PCBP3: variants seen among roughly 807,000 people sequenced by gnomAD.
PCBP3 encodes poly(rC) binding protein 3.
In PCBP3, 25 loss-of-function variants were observed where a neutral mutation model predicts 52.7. The ratio of observed to expected loss-of-function variants is 0.47; its 90% CI spans 0.35 to 0.66. The LOEUF (loss-of-function observed/expected upper bound fraction) is 0.66. Among genes scored for constraint, PCBP3 ranks in the 30% least tolerant of loss-of-function variants. The pLI, the probability that PCBP3 is intolerant of heterozygous loss-of-function variation, is 0.01. For synonymous variants in PCBP3, 162 were observed against 183.0 expected (o/e 0.89, Z 0.93); for missense variants, 391 against 490.3 (o/e 0.80, Z 1.91).
intron 5 of PCBP3, among the ~76,000 whole-genome samples, chr21:45,879,379 G>T (rs1053744917): frequency 6.6e-6 from 1 of 152,020 alleles, no homozygotes; most frequent in African/African-American, 2.4e-5. Flanking sequence ...AATAACAATG[G>T]AAGTGACAGG....
At chr21:45,706,571 G>A (rs1404195132) in intron 2 of PCBP3, among the ~76,000 whole-genome samples, 2 of 151,830 alleles carry the variant, frequency 1.3e-5, no homozygotes, top group East Asian at 3.9e-4. Flanking sequence ...AGTCCCCACT[G>A]CTGCCCATGT....
chr21:45,657,044 C>G (rs986470066), intron 1 of PCBP3, among the ~76,000 whole-genome samples: 6 of 152,086 alleles, frequency 3.9e-5, no homozygotes, highest in Non-Finnish European at 5.9e-5. Context: ...GATGGTCTCG[C>G]TCTCCTGACC....
chr21:45,758,514 T>G (rs1179549589), intron 4 of PCBP3, among the ~76,000 whole-genome samples: 1 of 152,236 alleles, frequency 6.6e-6, no homozygotes, highest in Non-Finnish European at 1.5e-5. Context: ...ACAGTGCAAG[T>G]CTTGCATTTT....
chr21:45,860,807 C>T (rs150759820), intron 5 of PCBP3, among the ~76,000 whole-genome samples: 3 of 152,274 alleles, frequency 2.0e-5, no homozygotes, highest in African/African-American at 4.8e-5. Context: ...CTCCCCTGAG[C>T]GTGGCCCTGG....
chr21:45,812,602 G>A lies in PCBP3; in HGVS notation c.-125-37359G>A, dbSNP rs150105865. Among the ~76,000 whole-genome samples, 183 of 152,302 alleles carry A rather than the reference G, an allele frequency of 1.2e-3. 1 individual carries two copies. Among genetic ancestry groups the A allele is most frequent in the African/African-American group, 3.9e-3 (163 of 41,554 alleles). On this transcript the variant is annotated intron_variant, in intron 4 of 17. Transcript: ENST00000681687. The stretch of plus-strand genomic sequence containing the variant: ...TTTTTAGTACAAACCGGGTTTCACC[G>A]TGTTGGCCAGAACTGCTGGCCTCAG...
At chr21:45,841,913 A>G (rs2093707126) in intron 4 of PCBP3, among the ~76,000 whole-genome samples, 1 of 152,254 alleles carries the variant, frequency 6.6e-6, no homozygotes, top group Non-Finnish European at 1.5e-5. Context: ...TCTGTTGTCT[A>G]GAGACGCACA....
At chr21:45,891,322 G>C (rs190848335) in intron 5 of PCBP3, among the ~76,000 whole-genome samples, 13 of 152,210 alleles carry the variant, frequency 8.5e-5, no homozygotes, top group East Asian at 1.9e-4. Flanking sequence ...AGCTTTACTC[G>C]TGTATCCCGC....
intron 13 of PCBP3, among the ~76,000 whole-genome samples, chr21:45,927,294 TCCTCC>T (rs2075562523): frequency 2.6e-5 from 2 of 77,048 alleles, no homozygotes; most frequent in South Asian, 4.8e-4. Flanking sequence ...CCTCTCCCCC[TCCTCC>T]CTCCCCTCCC....
intron 5 of PCBP3, among the ~76,000 whole-genome samples, chr21:45,857,649 C>T (rs1481999305): frequency 2.0e-5 from 3 of 152,200 alleles, no homozygotes; most frequent in Admixed American, 6.5e-5. Context: ...CATATAAAAC[C>T]AGGCTGCACC....
At chr21:45,877,560 T>C (rs1383374503) in intron 5 of PCBP3, among the ~76,000 whole-genome samples, 2 of 152,138 alleles carry the variant, frequency 1.3e-5, no homozygotes, top group Admixed American at 1.3e-4. Context: ...TCCCAACACT[T>C]TGGGAGGCCG....
At chr21:45,868,431 T>TTTTTC (rs1242347756) in intron 5 of PCBP3, among the ~76,000 whole-genome samples, 1 of 128,170 alleles carries the variant, frequency 7.8e-6, no homozygotes, top group Non-Finnish European at 1.7e-5. Flanking sequence ...TTTTTTTTTT[T>TTTTTC]TAAATAAAGG....
intron 4 of PCBP3, among the ~76,000 whole-genome samples, chr21:45,796,834 T>G (rs1413227597): frequency 6.6e-6 from 1 of 152,258 alleles, no homozygotes; most frequent in Non-Finnish European, 1.5e-5. Flanking sequence ...GGGTTTGAAT[T>G]GTGTGAAATT....
chr21:45,769,831 A>T (rs988797805), intron 4 of PCBP3, among the ~76,000 whole-genome samples: 3 of 152,256 alleles, frequency 2.0e-5, no homozygotes, highest in Admixed American at 2.0e-4. Context: ...GTGACGTGAC[A>T]TATTTCAGAG....
At chr21:45,939,861 C>CA (rs1396772304) in intron 16 of PCBP3, among the ~76,000 whole-genome samples, 169 bp from the exon 17 acceptor site, 2 of 152,168 alleles carry the variant, frequency 1.3e-5, no homozygotes, top group Non-Finnish European at 2.9e-5. Flanking sequence ...GATCAGGCAC[C>CA]ACCTGCAGGC....
chr21:45,679,875 A>G (rs1348808145), intron 2 of PCBP3, among the ~76,000 whole-genome samples: 1 of 152,200 alleles, frequency 6.6e-6, no homozygotes, highest in Admixed American at 6.5e-5. Flanking sequence ...ATTTTTCTGT[A>G]AGGTGTGAGA....
chr21:45,935,337 G>A, intron 16 of PCBP3, 32 bp downstream of exon 16: 2 of 1,548,800 alleles, frequency 1.3e-6, no homozygotes, highest in South Asian at 2.3e-5. Flanking sequence ...GCCTGTCCCT[G>A]GGTAGAAACA....
Position 45,730,012 on chromosome 21 carries a change from C to T in PCBP3, c.-199-5380C>T, listed in dbSNP as rs567562171. On this transcript the variant is annotated intron_variant, in intron 2 of 17. Coordinates refer to ENST00000681687, the MANE Select transcript of PCBP3 (RefSeq NM_001384156.1). ...CTCCTGGCTTCAAGTGATCTTCCCACTTTAGTCTCCTGAAGCAAGTATTTT... is the reference window on the plus strand; with the variant it reads ...CTCCTGGCTTCAAGTGATCTTCCCATTTTAGTCTCCTGAAGCAAGTATTTT... Among the ~76,000 whole-genome samples the T allele has an allele frequency of 1.4e-4, 21 of 152,138 alleles. 1 individual carries two copies. Among genetic ancestry groups the T allele is most frequent in the African/African-American group, 4.6e-4 (19 of 41,494 alleles).
rs972546489 is a variant in PCBP3 at position 45,850,072 on chromosome 21, C to G, written c.-14C>G. On this transcript the variant is annotated 5_prime_UTR_variant, in exon 5 of 18. Transcript: ENST00000681687. ...TGCTGTCTATGGATCTGCTCTAAAC[C>G]TTATAGCCTGCTTATGGGGGAAGGT... is the stretch of plus-strand genomic sequence containing the variant. The G allele has an allele frequency of 1.3e-6, 2 of 1,549,780 alleles. No homozygotes were observed. Among genetic ancestry groups the G allele is most frequent in the African/African-American group, 2.7e-5 (2 of 72,994 alleles).
intron 5 of PCBP3, among the ~76,000 whole-genome samples, chr21:45,860,503 G>A (rs1445633414): frequency 6.6e-6 from 1 of 152,072 alleles, no homozygotes; most frequent in African/African-American, 2.4e-5. Context: ...TCTTTCTACC[G>A]AAATGGTTGG....
Sources: gnomAD v4.1 joint callset for allele counts (sites outside exome capture counted in the v4.1 genomes callset) on GRCh38, gnomAD v4.1.1 for gene constraint, MANE v1.5 for transcripts, NCBI Gene and HGNC (gene_info 2026-07-23, HGNC 2026-07-21) for gene names.